Variants in ROBO1 observed in about 807,000 individuals in gnomAD.
ROBO1 encodes the protein roundabout guidance receptor 1.
A neutral mutation model predicts 195.9 loss-of-function variants in ROBO1; 149 were observed. The observed-to-expected ratio is 0.76, with a 90% CI of 0.67 to 0.87. The LOEUF (loss-of-function observed/expected upper bound fraction) is 0.87, where lower values mean the gene tolerates loss of function less well. Ranked by LOEUF, ROBO1 falls within the 40% of genes least tolerant of loss-of-function variation. The probability of loss-of-function intolerance (pLI) is 0.00; values close to 1 mark genes in which losing one functional copy is unlikely to be tolerated. For missense variants in ROBO1, 1,933 were observed against 2,068.3 expected (o/e 0.93, Z 1.27); for synonymous variants, 816 against 733.2 (o/e 1.11, Z -1.82).
rs555973106 is a variant in ROBO1 at position 79,577,118 on chromosome 3, AATACAT to A, written c.88+12700_88+12705del. Reference sequence around the variant, plus strand: ...TCAAGACTGAATTTTGTGATTACACAATACATAGTTTACAATTAACATGTAAAATAA... The same window carrying A: ...TCAAGACTGAATTTTGTGATTACACAAGTTTACAATTAACATGTAAAATAA... On this transcript the variant is annotated intron_variant, in intron 2 of 30. Coordinates refer to ENST00000464233, the MANE Select transcript of ROBO1 (RefSeq NM_002941.4). 2.8e-3 allele frequency among the ~76,000 whole-genome samples: 394 copies of A among 138,994 alleles called. 2 individuals carry two copies. Among genetic ancestry groups the A allele is most frequent in the Non-Finnish European group, 4.0e-3 (245 of 61,014 alleles). 91.2% of individuals were successfully genotyped at this position (138,994 alleles called of 152,430 possible).
At chr3:78,675,474 CT>C (rs1482822444) in intron 10 of ROBO1, among the ~76,000 whole-genome samples, 3 of 152,146 alleles carry the variant, frequency 2.0e-5, no homozygotes, top group Non-Finnish European at 4.4e-5. Flanking sequence ...TAATACTGTG[CT>C]TTTCCAATGG....
At position 78,685,851 on chromosome 3, in the gene ROBO1, G is replaced by C; in HGVS notation, c.1237C>G (p.Leu413Val). Reference protein sequence around the residue: ...SRFSVSQTGDLTITNVQRSDV... With the variant: ...SRFSVSQTGDVTITNVQRSDV... ...GATCGCTGGACATTAGTAATTGTGA[G>C]GTCGCCAGTCTGGGAGACTGAAAAT... The change falls in exon 10 of 31, where the codon CTC becomes GTC. Residue 413 changes from leucine to valine, a missense_variant. Physicochemically the swap from Leu to Val is conservative, Grantham distance 32. Coordinates refer to ENST00000464233, the MANE Select transcript of ROBO1 (RefSeq NM_002941.4). 1 of 1,610,224 alleles carries C rather than the reference G, an allele frequency of 6.2e-7. No individual in the cohort carries two copies. Among genetic ancestry groups the C allele is most frequent in the South Asian group, 1.1e-5 (1 of 90,468 alleles).
intron 2 of ROBO1, among the ~76,000 whole-genome samples, chr3:79,260,630 GT>G: frequency 6.6e-6 from 1 of 152,196 alleles, no homozygotes; most frequent in South Asian, 2.1e-4. Context: ...TTATTAGAGA[GT>G]TTTAAAGAAA....
Position 79,348,228 on chromosome 3 carries a change from A to AT in ROBO1, c.89-222690_89-222689insA, listed in dbSNP as rs1553724509. Among the ~76,000 whole-genome samples the AT allele has an allele frequency of 3.9e-3, 588 of 149,912 alleles. 9 individuals are homozygous for AT. The highest frequency in any genetic ancestry group is 0.013 in the African/African-American group (533 of 39,972). ...TCCATCTCAAAAAAAAAAAAAAAAA[A>AT]AAGTGAAGATGCTGTAAGTGGAAGA... On this transcript the variant is annotated intron_variant, in intron 2 of 30. Transcript: ENST00000464233.
intron 2 of ROBO1, among the ~76,000 whole-genome samples, chr3:79,567,506 G>A (rs896599925): frequency 1.3e-5 from 2 of 152,086 alleles, no homozygotes; most frequent in African/African-American, 2.4e-5. Context: ...TATTTTTGTT[G>A]TCTATTTGTG....
chr3:78,764,193 T>A (rs1456082151), intron 4 of ROBO1, among the ~76,000 whole-genome samples: 1 of 152,210 alleles, frequency 6.6e-6, no homozygotes, highest in Admixed American at 6.5e-5. Flanking sequence ...CTATATTCTA[T>A]CATCTTTTTG....
intron 10 of ROBO1, among the ~76,000 whole-genome samples, chr3:78,677,277 A>T (rs1245362033): frequency 6.6e-6 from 1 of 152,240 alleles, no homozygotes; most frequent in Non-Finnish European, 1.5e-5. Context: ...AATGAGCAAA[A>T]TAACCATCTA....
chr3:79,717,571 A>G (rs941560307), intron 1 of ROBO1, among the ~76,000 whole-genome samples: 1 of 152,008 alleles, frequency 6.6e-6, no homozygotes, highest in Non-Finnish European at 1.5e-5. Flanking sequence ...TAATTTGAGA[A>G]AACATCATTT....
chr3:79,135,701 G>A (rs1005102741), intron 2 of ROBO1, among the ~76,000 whole-genome samples: 18 of 151,030 alleles, frequency 1.2e-4, no homozygotes, highest in African/African-American at 3.7e-4. Flanking sequence ...GCAATGGTGC[G>A]ACCTCAGCTC....
intron 3 of ROBO1, among the ~76,000 whole-genome samples, chr3:79,046,478 T>C (rs2078595606): frequency 6.6e-6 from 1 of 152,046 alleles, no homozygotes; most frequent in African/African-American, 2.4e-5. Flanking sequence ...AATAACTATA[T>C]ATAGTTTATT....
chr3:78,828,947 A>T (rs1453091601), intron 4 of ROBO1, among the ~76,000 whole-genome samples: 3 of 152,200 alleles, frequency 2.0e-5, no homozygotes, highest in Non-Finnish European at 4.4e-5. Context: ...ATATATTCTC[A>T]TAATAAACTA....
intron 4 of ROBO1, among the ~76,000 whole-genome samples, chr3:78,800,943 C>T (rs1238313842): frequency 2.6e-5 from 4 of 152,012 alleles, no homozygotes; most frequent in Non-Finnish European, 5.9e-5. Context: ...AATAGTTCAC[C>T]AATAGGATAA....
rs1269019642 is a variant in ROBO1 at position 79,575,521 on chromosome 3, AAT to A, written c.88+14301_88+14302del. 5.8e-5 allele frequency among the ~76,000 whole-genome samples: 8 copies of A among 137,646 alleles called. No individual in the cohort carries two copies. In the South Asian group the frequency reaches 6.6e-4, roughly 11 times the overall value. 90.3% of individuals were successfully genotyped at this position (137,646 alleles called of 152,430 possible). ...TAAATATATATAACAAATATATATA[AAT>A]ATATATAACAAATATATATAAATAT... On this transcript the variant is annotated intron_variant, in intron 2 of 30. Coordinates refer to ENST00000464233, the MANE Select transcript of ROBO1 (RefSeq NM_002941.4).
intron 3 of ROBO1, among the ~76,000 whole-genome samples, chr3:79,094,559 T>C (rs1183325909): frequency 2.0e-5 from 3 of 152,164 alleles, no homozygotes; most frequent in African/African-American, 7.2e-5. Flanking sequence ...GATTAAAAAA[T>C]AATGAGATTG....
At chr3:79,708,058 G>A (rs1227120455) in intron 1 of ROBO1, among the ~76,000 whole-genome samples, 1 of 152,028 alleles carries the variant, frequency 6.6e-6, no homozygotes, top group Non-Finnish European at 1.5e-5. Flanking sequence ...TTAAGAATAT[G>A]CCACCATAAA....
At chr3:78,849,624 A>G (rs2033908073) in intron 4 of ROBO1, among the ~76,000 whole-genome samples, 1 of 152,054 alleles carries the variant, frequency 6.6e-6, no homozygotes, top group Non-Finnish European at 1.5e-5. Context: ...TTATATATAT[A>G]TATAAAATCA....
At position 79,054,240 on chromosome 3, in the gene ROBO1, T is replaced by C. The variant is rs1411653686; in HGVS notation, c.172+71216A>G. 2.0e-5 allele frequency among the ~76,000 whole-genome samples: 3 copies of C among 152,248 alleles called. No homozygotes were observed. The East Asian group carries it at 5.8e-4, about 29-fold the overall frequency. ...TACCACAGAACAAGTAACAAAGGTG[T>C]GTATGAGAGCTTGGGATAAATTACG... On this transcript the variant is annotated intron_variant, in intron 3 of 30. Transcript: ENST00000464233.
At chr3:79,237,342 C>T (rs1164518008) in intron 2 of ROBO1, among the ~76,000 whole-genome samples, 3 of 151,952 alleles carry the variant, frequency 2.0e-5, no homozygotes, top group South Asian at 2.1e-4. Flanking sequence ...ATTAGCCAGG[C>T]GTGGTGGCGG....
At chr3:79,596,622 CATAAT>C (rs1415768607) in intron 1 of ROBO1, among the ~76,000 whole-genome samples, 2 of 152,034 alleles carry the variant, frequency 1.3e-5, no homozygotes, top group Admixed American at 6.6e-5. Flanking sequence ...GAAAATAAGT[CATAAT>C]ATATTATCTT....
Sources: gnomAD v4.1 joint callset for allele counts (sites outside exome capture counted in the v4.1 genomes callset) on GRCh38, gnomAD v4.1.1 for gene constraint, MANE v1.5 for transcripts, NCBI Gene and HGNC (gene_info 2026-07-23, HGNC 2026-07-21) for gene names.